Variants in ADGRB3 observed in about 807,000 individuals in gnomAD.
ADGRB3 encodes adhesion G protein-coupled receptor B3, also known as brain-specific angiogenesis inhibitor 3.
A neutral mutation model predicts 193.4 loss-of-function variants in ADGRB3; 37 were observed. That is an observed-to-expected ratio of 0.19 (90% CI 0.15 to 0.25). The LOEUF (loss-of-function observed/expected upper bound fraction) is 0.25, where lower values mean the gene tolerates loss of function less well. ADGRB3 is among the 10% of genes least tolerant of loss of function. ADGRB3 has a pLI of 1.00. For missense variants in ADGRB3, 1,637 were observed against 1,852.9 expected (o/e 0.88, Z 2.14); for synonymous variants, 690 against 644.2 (o/e 1.07, Z -1.08).
chr6:69,155,380 G>GA (rs1180548665), intron 17 of ADGRB3, among the ~76,000 whole-genome samples: 1 of 151,912 alleles, frequency 6.6e-6, no homozygotes, highest in Non-Finnish European at 1.5e-5. Flanking sequence ...TGACAAACTA[G>GA]AAAAAACAAT....
At chr6:69,001,589 G>A (rs1487941379) in intron 11 of ADGRB3, among the ~76,000 whole-genome samples, 2 of 152,176 alleles carry the variant, frequency 1.3e-5, no homozygotes, top group African/African-American at 2.4e-5. Context: ...CTTAGTGACA[G>A]TGGGTCAGAA....
chr6:68,771,584 GACAAT>G (rs1424760561), intron 3 of ADGRB3, among the ~76,000 whole-genome samples: 1 of 151,942 alleles, frequency 6.6e-6, no homozygotes, highest in East Asian at 1.9e-4. Context: ...TCTAAATACT[GACAAT>G]ACAGCAGTAA....
chr6:69,299,647 C>T (rs1767908500), intron 20 of ADGRB3, among the ~76,000 whole-genome samples: 1 of 151,796 alleles, frequency 6.6e-6, no homozygotes, highest in African/African-American at 2.4e-5. Flanking sequence ...CTGTCCCTTC[C>T]CCATTGTATG....
chr6:68,705,172 A>C (rs1765304046), intron 3 of ADGRB3, among the ~76,000 whole-genome samples: 1 of 152,206 alleles, frequency 6.6e-6, no homozygotes, highest in Non-Finnish European at 1.5e-5. Flanking sequence ...CCTAAACATG[A>C]AGAGTAGCCT....
chr6:69,117,545 C>G (rs2150328191), intron 17 of ADGRB3, among the ~76,000 whole-genome samples: 1 of 152,134 alleles, frequency 6.6e-6, no homozygotes, highest in South Asian at 2.1e-4. Context: ...TTATAGTAAG[C>G]CAAATTCTTG....
intron 4 of ADGRB3, among the ~76,000 whole-genome samples, chr6:68,932,996 G>A (rs1449623802): frequency 2.0e-5 from 3 of 150,312 alleles, no homozygotes; most frequent in Non-Finnish European, 4.4e-5. Context: ...TTTAAAAAGA[G>A]TAACATTTGA....
At chr6:69,253,541 C>G (rs533454915) in intron 20 of ADGRB3, among the ~76,000 whole-genome samples, 4 of 152,056 alleles carry the variant, frequency 2.6e-5, no homozygotes, top group South Asian at 2.1e-4. Flanking sequence ...AAAGGACATC[C>G]CAAACTGCAG....
chr6:68,702,966 A>G (rs937294130), intron 3 of ADGRB3, among the ~76,000 whole-genome samples: 7 of 152,222 alleles, frequency 4.6e-5, no homozygotes, highest in Admixed American at 1.3e-4. Flanking sequence ...AAATAGACCT[A>G]TGTTTTTCTA....
rs938487045 is a variant in ADGRB3, at chr6:69,022,036, A to G, written c.2107+3537A>G. ...GAATTTATAAAATAATCAAGCTTCA[A>G]TATAATATTTAGTTTTCATTTTTAA... On this transcript the variant is annotated intron_variant, in intron 13 of 31. Coordinates refer to ENST00000370598, the MANE Select transcript of ADGRB3 (RefSeq NM_001704.3). 4.5e-4 allele frequency among the ~76,000 whole-genome samples: 68 copies of G among 151,996 alleles called. 1 individual carries two copies. The highest frequency in any genetic ancestry group is 1.6e-3 in the African/African-American group (67 of 41,554).
chr6:69,304,708 T>C (rs1425498407), intron 20 of ADGRB3, among the ~76,000 whole-genome samples: 1 of 151,582 alleles, frequency 6.6e-6, no homozygotes, highest in Non-Finnish European at 1.5e-5. Context: ...ATTATATTCT[T>C]GACTCCTTCT....
chr6:68,954,527 G>A (rs1768016987), intron 6 of ADGRB3, among the ~76,000 whole-genome samples: 1 of 151,902 alleles, frequency 6.6e-6, no homozygotes, highest in Admixed American at 6.6e-5. Context: ...CTTACCACCC[G>A]TTCCTAGTAA....
chr6:68,941,645 G>GAAAATAGGAGGAGAAAAGGTTTTT (rs1490400956), intron 5 of ADGRB3, among the ~76,000 whole-genome samples: 3 of 151,782 alleles, frequency 2.0e-5, no homozygotes, highest in East Asian at 3.9e-4. Flanking sequence ...TATAGGAGGA[G>GAAAATAGGAGGAGAAAAGGTTTTT]AAAATAGGAG....
At chr6:69,075,924 TTCAC>T (rs1175976933) in intron 16 of ADGRB3, 67 bp from the exon 17 acceptor site, 1 of 1,157,722 alleles carries the variant, frequency 8.6e-7, no homozygotes, top group Non-Finnish European at 1.3e-6. Context: ...CTGTTTCTAT[TTCAC>T]ATAATCCCTC....
chr6:69,377,571 G>A (rs1052381147), intron 30 of ADGRB3, among the ~76,000 whole-genome samples: 5 of 152,024 alleles, frequency 3.3e-5, no homozygotes, highest in Admixed American at 6.6e-5. Context: ...GGCATTGTAG[G>A]TGTATAAAGT....
chr6:69,004,018 CTTTTCCGAAGCTCCTATTA>C (rs886398617), intron 11 of ADGRB3, among the ~76,000 whole-genome samples: 2 of 152,112 alleles, frequency 1.3e-5, no homozygotes, highest in African/African-American at 4.8e-5. Flanking sequence ...CTAGTTTTAC[CTTTTCCGAAGCTCCTATTA>C]TTTTCTTCAG....
At chr6:69,210,569 T>C (rs1000395865) in intron 17 of ADGRB3, among the ~76,000 whole-genome samples, 1 of 152,096 alleles carries the variant, frequency 6.6e-6, no homozygotes, top group Admixed American at 6.6e-5. Flanking sequence ...TACATTTTAA[T>C]TTTTTGTAGA....
At chr6:69,286,763 A>G (rs1399953322) in intron 20 of ADGRB3, among the ~76,000 whole-genome samples, 1 of 152,228 alleles carries the variant, frequency 6.6e-6, no homozygotes, top group African/African-American at 2.4e-5. Flanking sequence ...CTTAGGAAAC[A>G]GGCTATTGTA....
chr6:69,388,994 C>T lies in ADGRB3; in HGVS notation c.*103C>T. The T allele has an allele frequency of 8.4e-7, 1 of 1,191,268 alleles. No individual in the cohort carries two copies. Among genetic ancestry groups the T allele is most frequent in the South Asian group, 1.6e-5 (1 of 63,016 alleles). 73.8% of individuals were successfully genotyped at this position (1,191,268 alleles called of 1,614,324 possible). On this transcript the variant is annotated 3_prime_UTR_variant, in exon 32 of 32. Coordinates refer to ENST00000370598, the MANE Select transcript of ADGRB3 (RefSeq NM_001704.3). ...TCTGGACAGTGTGACTATCTTATGT[C>T]AGGACCTTCATGTGCCAAACGTCAG... is the stretch of plus-strand genomic sequence containing the variant.
intron 26 of ADGRB3, among the ~76,000 whole-genome samples, chr6:69,342,417 T>C (rs1355035298): frequency 2.0e-5 from 3 of 152,154 alleles, no homozygotes; most frequent in African/African-American, 4.8e-5. Context: ...ATTTCAGGTA[T>C]AGGGCAAGTC....
Sources: gnomAD v4.1 joint callset for allele counts (sites outside exome capture counted in the v4.1 genomes callset) on GRCh38, gnomAD v4.1.1 for gene constraint, MANE v1.5 for transcripts, NCBI Gene and HGNC (gene_info 2026-07-23, HGNC 2026-07-21) for gene names.